The following TMEM9B variants were observed in gnomAD, a reference collection of about 807,000 sequenced individuals.
TMEM9B encodes the protein transmembrane protein 9B.
Under a neutral mutation model 23.5 loss-of-function variants are expected in TMEM9B, and 8 were observed. The observed-to-expected ratio is 0.34, with a 90% CI of 0.20 to 0.61. The LOEUF is 0.61. TMEM9B is among the 20% of genes least tolerant of loss of function. The probability of loss-of-function intolerance (pLI) is 0.78; values close to 1 mark genes in which losing one functional copy is unlikely to be tolerated. For synonymous variants in TMEM9B, 106 were observed against 96.3 expected (o/e 1.10, Z -0.59); for missense variants, 197 against 252.3 (o/e 0.78, Z 1.49).
chr11:8,961,286 G>C (rs577372531), intron 2 of TMEM9B, among the ~76,000 whole-genome samples: 9 of 152,200 alleles, frequency 5.9e-5, no homozygotes, highest in Non-Finnish European at 1.2e-4. Context: ...ATTTAGCTAT[G>C]AAATCAGATA....
intron 4 of TMEM9B, among the ~76,000 whole-genome samples, chr11:8,951,112 T>C (rs2134861891): frequency 6.6e-6 from 1 of 152,334 alleles, no homozygotes; most frequent in South Asian, 2.1e-4. Context: ...TTACTGAGCA[T>C]GTGATCCCAC....
intron 4 of TMEM9B, among the ~76,000 whole-genome samples, chr11:8,950,486 T>C (rs1853855460): frequency 6.6e-6 from 1 of 152,216 alleles, no homozygotes; most frequent in African/African-American, 2.4e-5. Flanking sequence ...TGCTGTTATC[T>C]ATTCTTCAAG....
At chr11:8,951,166 T>TC (rs2134861947) in intron 4 of TMEM9B, among the ~76,000 whole-genome samples, 1 of 152,318 alleles carries the variant, frequency 6.6e-6, no homozygotes, top group East Asian at 1.9e-4. Context: ...TACATCCATT[T>TC]CTCTTATGTT....
chr11:8,949,236 G>A (rs930550841), intron 4 of TMEM9B, among the ~76,000 whole-genome samples: 5 of 152,170 alleles, frequency 3.3e-5, no homozygotes, highest in African/African-American at 1.2e-4. Flanking sequence ...TTGAAGGGTT[G>A]CCCAGGTATC....
At chr11:8,949,569 T>G (rs1200755621) in intron 4 of TMEM9B, among the ~76,000 whole-genome samples, 6 of 152,202 alleles carry the variant, frequency 3.9e-5, no homozygotes, top group Non-Finnish European at 8.8e-5. Context: ...CTCTATTATA[T>G]ATCCAGGGCA....
chr11:8,964,025 G>C, intron 1 of TMEM9B, 184 bp downstream of exon 1: 2 of 617,312 alleles, frequency 3.2e-6, no homozygotes, highest in Non-Finnish European at 5.5e-6. Context: ...TCGGGGCTGA[G>C]GGCGAGAGTG....
In TMEM9B at chr11:8,964,184, A is replaced by C. The variant is rs962239725; in HGVS notation, c.105+25T>G. The C allele has an allele frequency of 9.0e-6, 14 of 1,554,286 alleles. No homozygotes were observed. The African/African-American group carries it at 1.9e-4, about 21-fold the overall frequency. ...CGGTGGTAGGGGAGGAGCTTCCGTC[A>C]GGAGCGAGGCTGGGCGGGACTCACC... On this transcript the variant is annotated intron_variant, in intron 1 of 4. Coordinates refer to ENST00000534025, the MANE Select transcript of TMEM9B (RefSeq NM_020644.3).
intron 3 of TMEM9B, 133 bp from the exon 4 acceptor site, chr11:8,953,470 G>A: frequency 2.3e-6 from 2 of 858,178 alleles, no homozygotes; most frequent in African/African-American, 1.7e-5. Flanking sequence ...AGCAATATAA[G>A]AAATAAACTC....
At chr11:8,963,236 A>G (rs1042890378) in intron 1 of TMEM9B, among the ~76,000 whole-genome samples, 1 of 152,242 alleles carries the variant, frequency 6.6e-6, no homozygotes, top group Non-Finnish European at 1.5e-5. Flanking sequence ...TAGGAGGTAG[A>G]GATGGTTTCA....
At chr11:8,953,411 A>G in intron 3 of TMEM9B, 74 bp from the exon 4 acceptor site, 2 of 1,456,186 alleles carry the variant, frequency 1.4e-6, no homozygotes, top group Non-Finnish European at 1.9e-6. Flanking sequence ...TAATAGTAAA[A>G]CTGACTGACA....
chr11:8,952,905 C>T, intron 4 of TMEM9B: 1 of 561,362 alleles, frequency 1.8e-6, no homozygotes, highest in Non-Finnish European at 3.2e-6. Flanking sequence ...AAAACCATCT[C>T]TGATACTTTT....
chr11:8,962,826 G>C (rs546446307), intron 1 of TMEM9B: 1 of 152,400 alleles, frequency 6.6e-6, no homozygotes, highest in East Asian at 1.9e-4. Flanking sequence ...CAAGTTTCAA[G>C]AGGTGGAGGA....
intron 3 of TMEM9B, among the ~76,000 whole-genome samples, chr11:8,954,724 A>G (rs1444012026): frequency 2.0e-5 from 3 of 152,254 alleles, no homozygotes; most frequent in East Asian, 1.9e-4. Context: ...GGATTTATCT[A>G]AAGTTCAGCA....
chr11:8,964,583 G>T, upstream of TMEM9B: 1 of 889,554 alleles, frequency 1.1e-6, no homozygotes, highest in Non-Finnish European at 1.6e-6. Flanking sequence ...ACGGAAGGGG[G>T]CCTCTGGGGT....
intron 4 of TMEM9B, 39 bp from the exon 5 acceptor site, chr11:8,948,514 G>A: frequency 1.2e-6 from 2 of 1,602,876 alleles, no homozygotes; most frequent in Non-Finnish European, 8.5e-7. Flanking sequence ...AGATGGCACA[G>A]TCAGTGTAAA....
At chr11:8,959,931 C>T (rs182942149) in intron 2 of TMEM9B, among the ~76,000 whole-genome samples, 20 of 152,242 alleles carry the variant, frequency 1.3e-4, no homozygotes, top group Admixed American at 4.6e-4. Flanking sequence ...TCTAGGCCCT[C>T]ACAGATACTG....
At chr11:8,953,406 G>A (rs1853918779) in intron 3 of TMEM9B, 69 bp from the exon 4 acceptor site, 3 of 1,511,504 alleles carry the variant, frequency 2.0e-6, no homozygotes, top group Non-Finnish European at 2.7e-6. Context: ...TATGATAATA[G>A]TAAAACTGAC....
At chr11:8,954,582 C>A (rs1254738927) in intron 3 of TMEM9B, among the ~76,000 whole-genome samples, 1 of 152,052 alleles carries the variant, frequency 6.6e-6, no homozygotes, top group Non-Finnish European at 1.5e-5. Flanking sequence ...AGCCACCATG[C>A]CTGGCCTGAA....
intron 4 of TMEM9B, chr11:8,952,859 A>G: frequency 2.0e-6 from 1 of 491,326 alleles, no homozygotes; most frequent in Non-Finnish European, 3.6e-6. Context: ...GGTGATATTG[A>G]CAGAGAAGGT....
Sources: allele counts gnomAD v4.1 joint callset (sites outside exome capture counted in the v4.1 genomes callset), GRCh38; gene constraint gnomAD v4.1.1; transcripts MANE v1.5; gene names NCBI Gene and HGNC (gene_info 2026-07-23, HGNC 2026-07-21).